Variants in SPAG16 observed in about 807,000 individuals in gnomAD.
SPAG16 encodes the protein sperm-associated antigen 16 protein.
In SPAG16, 86 loss-of-function variants were observed where a neutral mutation model predicts 80.4. The observed-to-expected ratio is 1.07, with a 90% CI of 0.90 to 1.28. The LOEUF (loss-of-function observed/expected upper bound fraction) is 1.28. Among genes scored for constraint, SPAG16 ranks in the 50% most tolerant of loss-of-function variants. SPAG16 has a pLI of 0.00. For synonymous variants in SPAG16, 294 were observed against 265.9 expected (o/e 1.11, Z -1.03); for missense variants, 870 against 765.3 (o/e 1.14, Z -1.61).
chr2:214,145,653 G>A (rs2055601044), intron 14 of SPAG16, among the ~76,000 whole-genome samples: 1 of 152,108 alleles, frequency 6.6e-6, no homozygotes, highest in Non-Finnish European at 1.5e-5. Context: ...ATCAGGAGTG[G>A]TGACTATTCA....
At chr2:213,508,182 A>G (rs1451458990) in intron 10 of SPAG16, among the ~76,000 whole-genome samples, 23 of 152,254 alleles carry the variant, frequency 1.5e-4, no homozygotes, top group Admixed American at 1.5e-3. Flanking sequence ...TATTCACAAT[A>G]GCAAAGACTT....
At chr2:213,872,504 T>G (rs554289123) in intron 11 of SPAG16, among the ~76,000 whole-genome samples, 4 of 152,302 alleles carry the variant, frequency 2.6e-5, no homozygotes, top group Admixed American at 6.5e-5. Flanking sequence ...TTTAGACTTC[T>G]CTATATACAA....
intron 10 of SPAG16, among the ~76,000 whole-genome samples, chr2:213,634,318 T>C (rs2062274271): frequency 6.6e-6 from 1 of 152,192 alleles, no homozygotes; most frequent in Admixed American, 6.5e-5. Context: ...GCATTAACTT[T>C]GTCTCCCTCA....
At chr2:214,187,588 C>T (rs1264404568) in intron 15 of SPAG16, among the ~76,000 whole-genome samples, 2 of 151,888 alleles carry the variant, frequency 1.3e-5, no homozygotes, top group Non-Finnish European at 2.9e-5. Context: ...CTAGCTTGAA[C>T]GGAAGCTGAG....
intron 10 of SPAG16, among the ~76,000 whole-genome samples, chr2:213,550,642 TC>T (rs2076752792): frequency 2.0e-5 from 3 of 152,258 alleles, no homozygotes; most frequent in Admixed American, 1.3e-4. Context: ...TCTACAAAAT[TC>T]CTTTAAACTT....
chr2:214,036,794 G>A (rs1167619685), intron 13 of SPAG16, among the ~76,000 whole-genome samples: 1 of 152,022 alleles, frequency 6.6e-6, no homozygotes, highest in African/African-American at 2.4e-5. Flanking sequence ...GGTTCTTTTT[G>A]TCTTTAGCTG....
At chr2:213,464,487 A>T (rs1328510367) in intron 9 of SPAG16, among the ~76,000 whole-genome samples, 1 of 152,120 alleles carries the variant, frequency 6.6e-6, no homozygotes, top group Non-Finnish European at 1.5e-5. Context: ...CAAAGTGAGG[A>T]ATTATCTAAT....
intron 15 of SPAG16, among the ~76,000 whole-genome samples, chr2:214,395,376 A>G (rs1210048545): frequency 6.6e-6 from 1 of 152,162 alleles, no homozygotes; most frequent in African/African-American, 2.4e-5. Flanking sequence ...ATTTGGTGTT[A>G]TCAATGTTCT....
chr2:213,302,805 C>G (rs148564621), intron 3 of SPAG16, among the ~76,000 whole-genome samples: 1 of 152,072 alleles, frequency 6.6e-6, no homozygotes, highest in Non-Finnish European at 1.5e-5. Flanking sequence ...GCATGGTGCA[C>G]ATTCAGGAAG....
At chr2:213,546,929 AC>A (rs1171880021) in intron 10 of SPAG16, among the ~76,000 whole-genome samples, 1 of 152,196 alleles carries the variant, frequency 6.6e-6, no homozygotes, top group African/African-American at 2.4e-5. Context: ...AGTTTAAATT[AC>A]TATTGAAAAA....
In SPAG16 at chr2:214,288,451, G is replaced by A. The variant is rs186976423; in HGVS notation, c.1721-121689G>A. Among the ~76,000 whole-genome samples the A allele has an allele frequency of 8.0e-4, 122 of 152,118 alleles. 1 individual carries two copies. The East Asian group carries it at 0.022, about 27-fold the overall frequency. ...TTCTTTGGATAAATACCCAGTAGTG[G>A]GATTGCTGAATCTTATGGTAGTATT... On this transcript the variant is annotated intron_variant, in intron 15 of 15. Transcript: ENST00000331683.
intron 10 of SPAG16, among the ~76,000 whole-genome samples, chr2:213,502,291 A>T (rs570481046): frequency 6.5e-4 from 98 of 149,810 alleles, no homozygotes; most frequent in South Asian, 1.5e-3. Context: ...TATTTAAAAA[A>T]TTTTTTTTTT....
chr2:213,386,394 T>C (rs1380748634), intron 9 of SPAG16, among the ~76,000 whole-genome samples: 1 of 152,204 alleles, frequency 6.6e-6, no homozygotes, highest in Non-Finnish European at 1.5e-5. Context: ...CCTAACCTCC[T>C]ATTGCAGTTT....
At chr2:214,303,798 C>G (rs1333085915) in intron 15 of SPAG16, among the ~76,000 whole-genome samples, 1 of 151,302 alleles carries the variant, frequency 6.6e-6, no homozygotes, top group Non-Finnish European at 1.5e-5. Context: ...GTTTTTTTTC[C>G]TTTTTAAATT....
At chr2:213,615,097 C>T (rs540568748) in intron 10 of SPAG16, among the ~76,000 whole-genome samples, 1 of 152,312 alleles carries the variant, frequency 6.6e-6, no homozygotes, top group African/African-American at 2.4e-5. Flanking sequence ...GTCAAGTTGA[C>T]AGACGGTTAA....
At chr2:213,369,525 T>A (rs1306785264) in intron 8 of SPAG16, among the ~76,000 whole-genome samples, 1 of 152,184 alleles carries the variant, frequency 6.6e-6, no homozygotes, top group East Asian at 1.9e-4. Flanking sequence ...TTACAGTGCA[T>A]AATTTACCTA....
chr2:213,591,251 G>A (rs1055600578), intron 10 of SPAG16, among the ~76,000 whole-genome samples: 1 of 151,956 alleles, frequency 6.6e-6, no homozygotes, highest in African/African-American at 2.4e-5. Flanking sequence ...ATATGTCAAG[G>A]GAAGATCACC....
chr2:213,612,480 G>C (rs2061468316), intron 10 of SPAG16, among the ~76,000 whole-genome samples: 1 of 151,990 alleles, frequency 6.6e-6, no homozygotes, highest in African/African-American at 2.4e-5. Context: ...ATATCTAATA[G>C]ATATTTTAAA....
intron 8 of SPAG16, among the ~76,000 whole-genome samples, chr2:213,374,752 T>TGC (rs1433367276): frequency 1.3e-5 from 2 of 152,096 alleles, no homozygotes; most frequent in Non-Finnish European, 2.9e-5. Context: ...ATAACAGGAA[T>TGC]TTGGATATGT....
Sources: allele counts gnomAD v4.1 joint callset (sites outside exome capture counted in the v4.1 genomes callset), GRCh38; gene constraint gnomAD v4.1.1; transcripts MANE v1.5; gene names NCBI Gene and HGNC (gene_info 2026-07-23, HGNC 2026-07-21).